CACNG1: variants seen among roughly 807,000 people sequenced by gnomAD.
CACNG1 encodes calcium voltage-gated channel auxiliary subunit gamma 1, also known as voltage-dependent calcium channel gamma-1 subunit.
In CACNG1, 21 loss-of-function variants were observed where a neutral mutation model predicts 22.0. The observed-to-expected ratio is 0.95, with a 90% CI of 0.68 to 1.37. The LOEUF is 1.37. Ranked by LOEUF, CACNG1 falls within the 40% of genes most tolerant of loss-of-function variation. The probability of loss-of-function intolerance (pLI) is 0.00; values close to 1 mark genes in which losing one functional copy is unlikely to be tolerated. For missense variants in CACNG1, 291 were observed against 308.6 expected, an observed-to-expected ratio of 0.94 and a Z score of 0.43; for synonymous variants, 127 against 129.2, an observed-to-expected ratio of 0.98 and a Z score of 0.12.
At chr17:67,046,943 T>C (rs1216676941) in intron 1 of CACNG1, among the ~76,000 whole-genome samples, 2 of 152,202 alleles carry the variant, frequency 1.3e-5, no homozygotes, top group Non-Finnish European at 2.9e-5. Context: ...CCCACACTTG[T>C]GACACTGAGC....
At chr17:67,050,652 A>G (rs1196861563) in intron 1 of CACNG1, among the ~76,000 whole-genome samples, 1 of 152,214 alleles carries the variant, frequency 6.6e-6, no homozygotes, top group Non-Finnish European at 1.5e-5. Flanking sequence ...TGTTCCAACT[A>G]TCAAAGAAAG....
In CACNG1 at chr17:67,044,704, G is replaced by A; in HGVS notation, c.44G>A (p.Cys15Tyr). Residue 15 changes from cysteine to tyrosine, a missense_variant, in exon 1 of 4, where the codon TGC (cysteine) becomes TAC (tyrosine). Transcript: ENST00000226021. This position sits in a 1 kb window ranked among gnomAD's most constrained non-coding sequence, Gnocchi z 6.9. ...CTGAAGGTCCGCGTGACCCTCTTCT[G>A]CATCCTGGCAGGCATCGTGCTGGCC... Reference protein sequence around the residue: ...KMLKVRVTLFCILAGIVLAMT... With the variant: ...KMLKVRVTLFYILAGIVLAMT... The A allele has an allele frequency of 6.2e-7, 1 of 1,610,992 alleles. No individual in the cohort carries two copies. Among genetic ancestry groups the A allele is most frequent in the Non-Finnish European group, 8.5e-7 (1 of 1,179,978 alleles).
In CACNG1 at chr17:67,054,987, AC is replaced by A; in HGVS notation, c.305-115del. On this transcript the variant is annotated intron_variant, in intron 2 of 3. Transcript: ENST00000226021. This position sits in a 1 kb window ranked among gnomAD's most constrained non-coding sequence, Gnocchi z 4.6. ...ACAGAGACACACACTTGACACACAC[AC>A]AATGACACACACAGACACTGACACA... 1 of 1,018,872 alleles carries A rather than the reference AC, an allele frequency of 9.8e-7. No homozygotes were observed. The highest frequency in any genetic ancestry group is 1.7e-5 in the South Asian group (1 of 58,904). 63.1% of individuals were successfully genotyped at this position (1,018,872 alleles called of 1,614,324 possible).
chr17:67,045,578 A>C (rs965902345), intron 1 of CACNG1, among the ~76,000 whole-genome samples: 1 of 138,322 alleles, frequency 7.2e-6, no homozygotes, highest in African/African-American at 2.8e-5. Context: ...GCTGGAGTGC[A>C]GTGGCATGAT....
chr17:67,050,437 A>G (rs2035721927), intron 1 of CACNG1, among the ~76,000 whole-genome samples: 1 of 152,268 alleles, frequency 6.6e-6, no homozygotes, highest in Non-Finnish European at 1.5e-5. Flanking sequence ...TTGGGAGCTG[A>G]TAGAACTTCT....
intron 1 of CACNG1, among the ~76,000 whole-genome samples, chr17:67,050,559 T>G (rs945327892): frequency 1.3e-5 from 2 of 152,240 alleles, no homozygotes; most frequent in African/African-American, 4.8e-5. Context: ...TATCTTTGAA[T>G]ATATGAAAGT....
At chr17:67,045,080 G>A (rs893149958) in intron 1 of CACNG1, among the ~76,000 whole-genome samples, 191 bp downstream of exon 1, 3 of 152,222 alleles carry the variant, frequency 2.0e-5, no homozygotes, top group Admixed American at 6.5e-5. Context: ...GTTGTAAGAC[G>A]AGGGCGTTTG....
rs2035764823 is a variant in CACNG1 at position 67,056,757 on chromosome 17, T to A, written c.*486T>A. 1 of 158,104 alleles carries A rather than the reference T, an allele frequency of 6.3e-6. No homozygotes were observed. The highest frequency in any genetic ancestry group is 1.9e-4 in the South Asian group (1 of 5,294). The allele number at this position is 158,104 out of a possible 1,614,324, so 9.8% of individuals were successfully genotyped here. On this transcript the variant is annotated 3_prime_UTR_variant, in exon 4 of 4. Transcript: ENST00000226021. This position sits in a 1 kb window ranked among gnomAD's most constrained non-coding sequence, Gnocchi z 4.3. Reference sequence around the variant, plus strand: ...GCCCTGGGAAGCATTTTTAACTGGGTAGAATCTGACTGTGGCTTGAAATAA... The same window carrying A: ...GCCCTGGGAAGCATTTTTAACTGGGAAGAATCTGACTGTGGCTTGAAATAA...
At chr17:67,047,550 A>T (rs946488408) in intron 1 of CACNG1, among the ~76,000 whole-genome samples, 1 of 152,078 alleles carries the variant, frequency 6.6e-6, no homozygotes, top group East Asian at 1.9e-4. Context: ...TCATTATTTG[A>T]CCTGTCTGGT....
Position 67,054,593 on chromosome 17 carries a change from G to A in CACNG1, c.305-510G>A, listed in dbSNP as rs757052044. 2.6e-5 allele frequency among the ~76,000 whole-genome samples: 4 copies of A among 151,972 alleles called. No homozygotes were observed. On this transcript the variant is annotated intron_variant, in intron 2 of 3. Coordinates refer to ENST00000226021, the MANE Select transcript of CACNG1 (RefSeq NM_000727.4). The surrounding 1 kb of genome is among the most constrained non-coding windows in gnomAD (Gnocchi z 4.6). ...CCAGACAGCTGCACACAGGGTGAGT[G>A]GGCAGACACACAGACACACACTGAC...
rs969403474 is a variant in CACNG1 at position 67,054,887 on chromosome 17, CAT to C, written c.305-215_305-214del. Among the ~76,000 whole-genome samples the C allele has an allele frequency of 6.6e-6, 1 of 150,836 alleles. No homozygotes were observed. Among genetic ancestry groups the C allele is most frequent in the African/African-American group, 2.5e-5 (1 of 40,792 alleles). ...ACAGAGACACACACTGACACATATG[CAT>C]GACACACAATGACACACACAGACAC... On this transcript the variant is annotated intron_variant, in intron 2 of 3. Coordinates refer to ENST00000226021, the MANE Select transcript of CACNG1 (RefSeq NM_000727.4). This position sits in a 1 kb window ranked among gnomAD's most constrained non-coding sequence, Gnocchi z 4.6.
rs772416293 is a variant in CACNG1 at position 67,055,255 on chromosome 17, C to A, written c.442+15C>A. 1 of 1,607,302 alleles carries A rather than the reference C, an allele frequency of 6.2e-7. No individual in the cohort carries two copies. The highest frequency in any genetic ancestry group is 8.5e-7 in the Non-Finnish European group (1 of 1,174,920). Reference sequence around the variant, plus strand: ...TGCCTTTGCAGGTAGACTGGGGGATCTGCCTGAGCGCCGGGGCCGGGGGAC... The same window carrying A: ...TGCCTTTGCAGGTAGACTGGGGGATATGCCTGAGCGCCGGGGCCGGGGGAC... On this transcript the variant is annotated intron_variant, in intron 3 of 3. Transcript: ENST00000226021. This position sits in a 1 kb window ranked among gnomAD's most constrained non-coding sequence, Gnocchi z 4.5.
At chr17:67,053,221 T>C (rs2035738198) in intron 1 of CACNG1, among the ~76,000 whole-genome samples, 1 of 152,210 alleles carries the variant, frequency 6.6e-6, no homozygotes, top group Non-Finnish European at 1.5e-5. Flanking sequence ...TCAGCCCTCG[T>C]AGGGGTTCCA....
chr17:67,054,204 C>A lies in CACNG1; in HGVS notation c.304+134C>A. 1 of 723,794 alleles carries A rather than the reference C, an allele frequency of 1.4e-6. No individual in the cohort carries two copies. Among genetic ancestry groups the A allele is most frequent in the South Asian group, 1.7e-5 (1 of 58,450 alleles). The allele number at this position is 723,794 out of a possible 1,614,324, so 44.8% of individuals were successfully genotyped here. On this transcript the variant is annotated intron_variant, in intron 2 of 3. Transcript: ENST00000226021. The surrounding 1 kb of genome is among the most constrained non-coding windows in gnomAD (Gnocchi z 4.6). ...AGAAGAAGCCTGTGGTGCATTTGAA[C>A]AACAGCCTTGTCAGCTCCCCGCTCC...
chr17:67,048,355 AGTGG>A (rs2035709909), intron 1 of CACNG1, among the ~76,000 whole-genome samples: 1 of 151,064 alleles, frequency 6.6e-6, no homozygotes, highest in Non-Finnish European at 1.5e-5. Context: ...AATATCCAGG[AGTGG>A]TGGCATGTGC....
chr17:67,050,639 A>C (rs932470937), intron 1 of CACNG1, among the ~76,000 whole-genome samples: 1 of 152,244 alleles, frequency 6.6e-6, no homozygotes, highest in Admixed American at 6.5e-5. Flanking sequence ...TAATCCTGCC[A>C]GCTGTTCCAA....
intron 1 of CACNG1, among the ~76,000 whole-genome samples, chr17:67,046,229 G>C (rs1470976382): frequency 6.6e-6 from 1 of 152,196 alleles, no homozygotes; most frequent in Non-Finnish European, 1.5e-5. Context: ...TCGGCTTACA[G>C]ACGCCCATCC....
At position 67,055,838 on chromosome 17, in the gene CACNG1, C is replaced by T. The variant is rs116772456; in HGVS notation, c.443-207C>T. On this transcript the variant is annotated intron_variant, in intron 3 of 3. Transcript: ENST00000226021. This position sits in a 1 kb window ranked among gnomAD's most constrained non-coding sequence, Gnocchi z 4.5. ...TACAGGTGTGAGCCACCACACCTGGCCACATGGTTGCCCTTCTGAGGGATG... is the reference window on the plus strand; with the variant it reads ...TACAGGTGTGAGCCACCACACCTGGTCACATGGTTGCCCTTCTGAGGGATG... 4.8e-3 allele frequency among the ~76,000 whole-genome samples: 736 copies of T among 152,294 alleles called. 10 individuals are homozygous for T. Among genetic ancestry groups the T allele is most frequent in the African/African-American group, 0.017 (717 of 41,564 alleles).
At chr17:67,045,524 C>CTTTTTTTTT (rs71367200) in intron 1 of CACNG1, among the ~76,000 whole-genome samples, 2 of 109,698 alleles carry the variant, frequency 1.8e-5, no homozygotes, top group African/African-American at 3.8e-5. Context: ...CCCCCACCTT[C>CTTTTTTTTT]TTTTTTTTTT....
Sources: gnomAD v4.1 joint callset for allele counts (sites outside exome capture counted in the v4.1 genomes callset) on GRCh38, gnomAD v4.1.1 for gene constraint, Gnocchi (gnomAD v3.1) non-coding constraint, MANE v1.5 for transcripts, NCBI Gene and HGNC (gene_info 2026-07-23, HGNC 2026-07-21) for gene names.